The following TMEM132D variants were observed in gnomAD, a reference collection of about 807,000 sequenced individuals.
TMEM132D encodes transmembrane protein 132D, also known as mature OL transmembrane protein.
A neutral mutation model predicts 62.3 loss-of-function variants in TMEM132D; 21 were observed. The ratio of observed to expected loss-of-function variants is 0.34; its 90% CI spans 0.24 to 0.49. The LOEUF (loss-of-function observed/expected upper bound fraction) is 0.49. Among genes scored for constraint, TMEM132D ranks in the 20% least tolerant of loss-of-function variants. TMEM132D has a pLI of 0.99. For missense variants in TMEM132D, 1,346 were observed against 1,402.8 expected, an observed-to-expected ratio of 0.96 and a Z score of 0.65; for synonymous variants, 621 against 575.6, an observed-to-expected ratio of 1.08 and a Z score of -1.13.
chr12:129,218,279 T>C (rs1253873394), intron 4 of TMEM132D, among the ~76,000 whole-genome samples: 1 of 152,206 alleles, frequency 6.6e-6, no homozygotes, highest in African/African-American at 2.4e-5. Context: ...AGTGAACAGT[T>C]ATGGGTCACT....
At chr12:129,301,460 C>T (rs1044247926) in intron 4 of TMEM132D, among the ~76,000 whole-genome samples, 2 of 152,080 alleles carry the variant, frequency 1.3e-5, no homozygotes, top group Admixed American at 6.5e-5. Flanking sequence ...AAAAGAGGCT[C>T]ACCTAGGAAC....
At chr12:129,295,201 T>C (rs928326984) in intron 4 of TMEM132D, among the ~76,000 whole-genome samples, 2 of 151,332 alleles carry the variant, frequency 1.3e-5, no homozygotes, top group Non-Finnish European at 2.9e-5. Context: ...TACGGAACAC[T>C]GCTGGCTAGA....
intron 3 of TMEM132D, among the ~76,000 whole-genome samples, chr12:129,411,724 G>T (rs1420421636): frequency 6.6e-6 from 1 of 152,094 alleles, no homozygotes; most frequent in Non-Finnish European, 1.5e-5. Context: ...CTTCTCTGAG[G>T]CTCTGAGGGG....
At chr12:129,560,564 C>T (rs938841112) in intron 2 of TMEM132D, among the ~76,000 whole-genome samples, 4 of 152,164 alleles carry the variant, frequency 2.6e-5, no homozygotes, top group African/African-American at 9.7e-5. Context: ...GCCACTGCGC[C>T]CGGCCAGCAC....
intron 2 of TMEM132D, among the ~76,000 whole-genome samples, chr12:129,678,163 A>G (rs1880685090): frequency 6.6e-6 from 1 of 152,150 alleles, no homozygotes; most frequent in Admixed American, 6.5e-5. Context: ...AACAAGTGTA[A>G]GAGTTTCTCT....
chr12:129,268,520 A>G (rs953254113), intron 4 of TMEM132D, among the ~76,000 whole-genome samples: 1 of 152,200 alleles, frequency 6.6e-6, no homozygotes, highest in Non-Finnish European at 1.5e-5. Flanking sequence ...GCAATCATTA[A>G]AAAGTCAGGA....
At chr12:129,430,549 T>A (rs1339909761) in intron 3 of TMEM132D, among the ~76,000 whole-genome samples, 2 of 152,138 alleles carry the variant, frequency 1.3e-5, no homozygotes, top group African/African-American at 4.8e-5. Flanking sequence ...GCGATACTCC[T>A]GCCTGGAACT....
At chr12:129,727,370 T>C (rs114276092) in intron 1 of TMEM132D, among the ~76,000 whole-genome samples, 87 of 152,296 alleles carry the variant, frequency 5.7e-4, no homozygotes, top group African/African-American at 2.0e-3. Flanking sequence ...ATTTCATCCT[T>C]CTGTAAGGAG....
chr12:129,473,324 G>GT lies in TMEM132D; in HGVS notation c.1115+57734dup, dbSNP rs751523415. On this transcript the variant is annotated intron_variant, in intron 3 of 8. Transcript: ENST00000422113. ...TGGCAATAAAGTGATTTTAGTTTTT[G>GT]TTTTTTTTTTTTTTTTTTTTTTGAG... is the stretch of plus-strand genomic sequence containing the variant. Among the ~76,000 whole-genome samples the GT allele has an allele frequency of 1.4e-3, 112 of 81,546 alleles. 10 individuals are homozygous for GT. Among genetic ancestry groups the GT allele is most frequent in the African/African-American group, 3.2e-3 (66 of 20,932 alleles). 53.5% of individuals were successfully genotyped at this position (81,546 alleles called of 152,430 possible). A position where few individuals can be genotyped will look rare whatever the true frequency, so the allele number is the denominator to read the frequency against.
At chr12:129,499,132 T>C (rs1470634046) in intron 3 of TMEM132D, among the ~76,000 whole-genome samples, 1 of 152,222 alleles carries the variant, frequency 6.6e-6, no homozygotes, top group Non-Finnish European at 1.5e-5. Flanking sequence ...TATTGCTCTG[T>C]GAACCTTATC....
At chr12:129,414,102 C>G (rs1320474665) in intron 3 of TMEM132D, among the ~76,000 whole-genome samples, 1 of 152,206 alleles carries the variant, frequency 6.6e-6, no homozygotes, top group Non-Finnish European at 1.5e-5. Flanking sequence ...TGTGAGCACC[C>G]TGCTGAATCT....
At chr12:129,269,693 G>A (rs561401830) in intron 4 of TMEM132D, among the ~76,000 whole-genome samples, 77 of 152,052 alleles carry the variant, frequency 5.1e-4, no homozygotes, top group Non-Finnish European at 9.0e-4. Flanking sequence ...AACCCCCCCA[G>A]TTACCACTGT....
intron 2 of TMEM132D, among the ~76,000 whole-genome samples, chr12:129,607,920 T>A (rs2137148589): frequency 6.6e-6 from 1 of 152,288 alleles, no homozygotes; most frequent in Non-Finnish European, 1.5e-5. Flanking sequence ...TCACTATTGC[T>A]CAAGTGTATT....
At chr12:129,863,962 C>G (rs745565296) in intron 1 of TMEM132D, among the ~76,000 whole-genome samples, 2 of 152,160 alleles carry the variant, frequency 1.3e-5, no homozygotes, top group Non-Finnish European at 2.9e-5. Context: ...CTTTTTATCA[C>G]TCATCCCTTT....
intron 4 of TMEM132D, among the ~76,000 whole-genome samples, chr12:129,215,715 A>T (rs184030932): frequency 9.2e-5 from 14 of 152,286 alleles, no homozygotes; most frequent in Admixed American, 3.9e-4. Flanking sequence ...CTGTTTTCAC[A>T]CTGCTGATAT....
chr12:129,652,210 G>C (rs543704032), intron 2 of TMEM132D, among the ~76,000 whole-genome samples: 7 of 152,284 alleles, frequency 4.6e-5, no homozygotes, highest in Admixed American at 1.3e-4. Context: ...GTAGAAGAAC[G>C]GTATAGAACT....
intron 4 of TMEM132D, among the ~76,000 whole-genome samples, chr12:129,322,750 T>C (rs566250016): frequency 6.6e-6 from 1 of 152,266 alleles, no homozygotes; most frequent in South Asian, 2.1e-4. Context: ...ATGAATCTGT[T>C]GCATACAGTA....
Position 129,821,306 on chromosome 12 carries a change from G to T in TMEM132D, c.79+81955C>A, listed in dbSNP as rs1036996131. ...TTTCCTGGAGAATTCCACGGTGTTG[G>T]TGTCCTCTGAAACGCACGTCAGATG... On this transcript the variant is annotated intron_variant, in intron 1 of 8. Transcript: ENST00000422113. Among the ~76,000 whole-genome samples, 4 of 152,176 alleles carry T rather than the reference G, an allele frequency of 2.6e-5. No homozygotes were observed. In the South Asian group the frequency reaches 8.3e-4, roughly 31 times the overall value.
At chr12:129,199,494 CAGA>C (rs1878636600) in intron 5 of TMEM132D, among the ~76,000 whole-genome samples, 1 of 152,128 alleles carries the variant, frequency 6.6e-6, no homozygotes, top group Admixed American at 6.5e-5. Flanking sequence ...ATTGACATAG[CAGA>C]AGAAGAACTT....
Sources: allele counts gnomAD v4.1 joint callset (sites outside exome capture counted in the v4.1 genomes callset), GRCh38; gene constraint gnomAD v4.1.1; transcripts MANE v1.5; gene names NCBI Gene and HGNC (gene_info 2026-07-23, HGNC 2026-07-21).